PRICKLE2: variants seen among roughly 807,000 people sequenced by gnomAD.
PRICKLE2 encodes prickle planar cell polarity protein 2, also known as prickle-like protein 2.
PRICKLE2 carries 21 observed loss-of-function variants against 81.4 expected under a neutral mutation model. The ratio of observed to expected loss-of-function variants is 0.26; its 90% CI spans 0.18 to 0.37. The LOEUF is 0.37. PRICKLE2 is among the 10% of genes least tolerant of loss of function. PRICKLE2 has a pLI of 1.00. For synonymous variants in PRICKLE2, 456 were observed against 421.5 expected, an observed-to-expected ratio of 1.08 and a Z score of -1.00; for missense variants, 940 against 1,109.0, an observed-to-expected ratio of 0.85 and a Z score of 2.16.
At chr3:64,138,729 C>T (rs972596994) in intron 7 of PRICKLE2, among the ~76,000 whole-genome samples, 1 of 152,204 alleles carries the variant, frequency 6.6e-6, no homozygotes, top group African/African-American at 2.4e-5. Context: ...CCAAGTATAT[C>T]CCAGGGCCCT....
chr3:64,136,070 C>A (rs185855218), intron 7 of PRICKLE2, among the ~76,000 whole-genome samples: 43 of 152,256 alleles, frequency 2.8e-4, no homozygotes, highest in Middle Eastern at 3.4e-3. Context: ...TATGTATCAT[C>A]CACATGCTTC....
At chr3:64,109,006 GC>G (rs1384343838) in intron 7 of PRICKLE2, among the ~76,000 whole-genome samples, 1 of 152,000 alleles carries the variant, frequency 6.6e-6, no homozygotes, top group Non-Finnish European at 1.5e-5. Context: ...GGGCAAAATC[GC>G]CCCCAACTGA....
chr3:64,174,800 T>A (rs1050028103), intron 2 of PRICKLE2: 3 of 216,776 alleles, frequency 1.4e-5, no homozygotes, highest in African/African-American at 6.9e-5. Flanking sequence ...TTTAGCCATC[T>A]TGCTTGGATA....
intron 2 of PRICKLE2, among the ~76,000 whole-genome samples, chr3:64,237,576 G>C (rs1277932420): frequency 6.6e-6 from 1 of 152,118 alleles, no homozygotes; most frequent in African/African-American, 2.4e-5. Flanking sequence ...TCCTCTGCCA[G>C]TGGAGCCTGG....
At chr3:64,187,802 T>C (rs1252704064) in intron 2 of PRICKLE2, among the ~76,000 whole-genome samples, 1 of 152,192 alleles carries the variant, frequency 6.6e-6, no homozygotes, top group Non-Finnish European at 1.5e-5. Flanking sequence ...AAACTGTCAG[T>C]AGCCTGAAAG....
At position 64,235,921 on chromosome 3, in the gene PRICKLE2, T is replaced by C. The variant is rs577045008; in HGVS notation, c.129-36954A>G. ...GAGTGGAGTTTCCATCACACTGATCTGCGTTGTGTGTGTGTAGTTGGGGGA... is the reference window on the plus strand; with the variant it reads ...GAGTGGAGTTTCCATCACACTGATCCGCGTTGTGTGTGTGTAGTTGGGGGA... On this transcript the variant is annotated intron_variant, in intron 2 of 8. Coordinates refer to the PRICKLE2 transcript ENST00000295902. Among the ~76,000 whole-genome samples the C allele has an allele frequency of 2.5e-4, 38 of 152,146 alleles. No individual in the cohort carries two copies. The East Asian group carries it at 6.0e-3, about 24-fold the overall frequency.
chr3:64,203,990 CACACAT>C (rs1447658216), intron 1 of PRICKLE2, among the ~76,000 whole-genome samples: 9 of 151,938 alleles, frequency 5.9e-5, no homozygotes, highest in African/African-American at 2.2e-4. Context: ...CACACACACA[CACACAT>C]ACACTCTAAA....
intron 1 of PRICKLE2, among the ~76,000 whole-genome samples, chr3:64,203,732 C>T (rs1187741176): frequency 5.3e-5 from 8 of 151,494 alleles, no homozygotes; most frequent in Admixed American, 5.3e-4. Context: ...CAACAAATAA[C>T]TCGAGGTGGA....
intron 7 of PRICKLE2, among the ~76,000 whole-genome samples, chr3:64,130,840 C>T (rs992028994): frequency 6.6e-6 from 1 of 152,182 alleles, no homozygotes; most frequent in African/African-American, 2.4e-5. Context: ...TAAAGCTCCC[C>T]AGATGACTCC....
rs35195442 is a variant in PRICKLE2 at position 64,098,471 on chromosome 3, GAAAAAAAAA to G, written c.*571_*579del. ...CACTGACATGTAACAAATTTGTATA[GAAAAAAAAA>G]AAAAAAAAAAAAAGGTGGTACCGGG... On this transcript the variant is annotated 3_prime_UTR_variant, in exon 8 of 8. Transcript: ENST00000638394. The G allele has an allele frequency of 1.3e-5, 1 of 79,408 alleles. No homozygotes were observed. Among genetic ancestry groups the G allele is most frequent in the Admixed American group, 1.4e-4 (1 of 7,168 alleles). The allele number at this position is 79,408 out of a possible 1,614,324, so 4.9% of individuals were successfully genotyped here.
chr3:64,134,221 A>G (rs2077241918), intron 7 of PRICKLE2, among the ~76,000 whole-genome samples: 1 of 152,214 alleles, frequency 6.6e-6, no homozygotes. Flanking sequence ...GTACGGTTTC[A>G]ACCAGGTCAA....
intron 2 of PRICKLE2, among the ~76,000 whole-genome samples, chr3:64,256,369 A>G (rs1158380682): frequency 6.6e-6 from 1 of 152,190 alleles, no homozygotes; most frequent in Non-Finnish European, 1.5e-5. Flanking sequence ...ATACTCAATT[A>G]TTATCATTGT....
At chr3:64,191,161 A>G (rs2078326447) in intron 2 of PRICKLE2, among the ~76,000 whole-genome samples, 1 of 152,196 alleles carries the variant, frequency 6.6e-6, no homozygotes, top group Non-Finnish European at 1.5e-5. Context: ...AAACCTTTTG[A>G]GAAGGCTGAG....
chr3:64,137,001 A>G (rs1169348824), intron 7 of PRICKLE2, among the ~76,000 whole-genome samples: 1 of 152,236 alleles, frequency 6.6e-6, no homozygotes, highest in Non-Finnish European at 1.5e-5. Context: ...AATGCAGGCC[A>G]CAAACTATTC....
chr3:64,204,517 T>C (rs2078646592), intron 1 of PRICKLE2, among the ~76,000 whole-genome samples: 1 of 151,958 alleles, frequency 6.6e-6, no homozygotes, highest in Non-Finnish European at 1.5e-5. Flanking sequence ...AAGTTACTTA[T>C]AGAAAATCTA....
intron 2 of PRICKLE2, among the ~76,000 whole-genome samples, chr3:64,173,710 C>T (rs956495483): frequency 1.3e-5 from 2 of 152,152 alleles, no homozygotes; most frequent in Non-Finnish European, 2.9e-5. Context: ...TTGAAGAGTA[C>T]GATGACAACT....
intron 2 of PRICKLE2, among the ~76,000 whole-genome samples, chr3:64,236,849 G>GT (rs2079188453): frequency 6.6e-6 from 1 of 152,150 alleles, no homozygotes. Flanking sequence ...CACTTTGTAT[G>GT]GTGTCAAATA....
At chr3:64,151,910 C>A (rs1021823114) in intron 6 of PRICKLE2, among the ~76,000 whole-genome samples, 2 of 152,078 alleles carry the variant, frequency 1.3e-5, no homozygotes. Flanking sequence ...GGAAATTTGC[C>A]ATCACCTAAG....
Position 64,111,521 on chromosome 3 carries a change from A to G in PRICKLE2, c.1661-11596T>C, listed in dbSNP as rs375673276. On this transcript the variant is annotated intron_variant, in intron 7 of 7. Coordinates refer to ENST00000638394, the MANE Select transcript of PRICKLE2 (RefSeq NM_198859.4). Reference sequence around the variant, plus strand: ...GGGGGCAGGAGGCAGAGAGAAGTACAGATCCAGTGACACTCCCCAGCTTCT... The same window carrying G: ...GGGGGCAGGAGGCAGAGAGAAGTACGGATCCAGTGACACTCCCCAGCTTCT... Among the ~76,000 whole-genome samples, 91 of 152,334 alleles carry G rather than the reference A, an allele frequency of 6.0e-4. 3 individuals carry two copies. The highest frequency in any genetic ancestry group is 1.9e-3 in the African/African-American group (80 of 41,574).
Sources: gnomAD v4.1 joint callset for allele counts (sites outside exome capture counted in the v4.1 genomes callset) on GRCh38, gnomAD v4.1.1 for gene constraint, MANE v1.5 for transcripts, NCBI Gene and HGNC (gene_info 2026-07-23, HGNC 2026-07-21) for gene names.